The following ITGA1 variants were observed in gnomAD, a reference collection of about 807,000 sequenced individuals.
ITGA1 encodes integrin alpha-1.
Under a neutral mutation model 145.9 loss-of-function variants are expected in ITGA1, and 85 were observed. The ratio of observed to expected loss-of-function variants is 0.58; its 90% CI spans 0.49 to 0.70. The LOEUF (loss-of-function observed/expected upper bound fraction) is 0.70, where lower values mean the gene tolerates loss of function less well. Ranked by LOEUF, ITGA1 falls within the 30% of genes least tolerant of loss-of-function variation. The probability of loss-of-function intolerance (pLI) is 0.00; values close to 1 mark genes in which losing one functional copy is unlikely to be tolerated. For synonymous variants in ITGA1, 520 were observed against 495.3 expected, an observed-to-expected ratio of 1.05 and a Z score of -0.66; for missense variants, 1,351 against 1,418.7, an observed-to-expected ratio of 0.95 and a Z score of 0.77.
At chr5:52,876,191 A>G (rs528918904) in intron 6 of ITGA1, among the ~76,000 whole-genome samples, 1 of 152,300 alleles carries the variant, frequency 6.6e-6, no homozygotes, top group South Asian at 2.1e-4. Flanking sequence ...TGATTCTGCT[A>G]CATACATTTA....
chr5:52,838,917 C>T (rs199781708), intron 1 of ITGA1, among the ~76,000 whole-genome samples: 1 of 151,960 alleles, frequency 6.6e-6, no homozygotes, highest in African/African-American at 2.4e-5. Flanking sequence ...GGCAACGTGA[C>T]GAGCACTTTT....
chr5:52,952,465 A>T lies in ITGA1; in HGVS notation c.*14A>T. ...ATGGAGAAATGAAATATTTTATGAA[A>T]GAAAATAATAACAATTATTCAATAA... On this transcript the variant is annotated 3_prime_UTR_variant, in exon 29 of 29. Coordinates refer to ENST00000282588, the MANE Select transcript of ITGA1 (RefSeq NM_181501.2). 8.6e-7 allele frequency: 1 copy of T among 1,158,440 alleles called. No individual in the cohort carries two copies. The highest frequency in any genetic ancestry group is 1.4e-5 in the South Asian group (1 of 70,704). The allele number at this position is 1,158,440 out of a possible 1,614,324, so 71.8% of individuals were successfully genotyped here.
chr5:52,910,155 C>T lies in ITGA1; in HGVS notation c.1600-7C>T. ...ATACATAAATATCCTGTTTATCTTT[C>T]TTCCAGACAAGGTTTGAATATCAAA... On this transcript the variant is annotated splice_region_variant and splice_polypyrimidine_tract_variant and intron_variant, in intron 13 of 28. Transcript: ENST00000282588. 2 of 1,597,604 alleles carry T rather than the reference C, an allele frequency of 1.3e-6. No homozygotes were observed. Among genetic ancestry groups the T allele is most frequent in the South Asian group, 1.1e-5 (1 of 90,380 alleles).
At chr5:52,933,700 G>A (rs189663025) in intron 22 of ITGA1, 194 bp from the exon 23 acceptor site, 16 of 313,130 alleles carry the variant, frequency 5.1e-5, no homozygotes, top group African/African-American at 2.6e-4. Context: ...AGTGACTATT[G>A]AACTAAATTA....
intron 6 of ITGA1, among the ~76,000 whole-genome samples, chr5:52,881,436 C>A (rs76454613): frequency 6.6e-6 from 1 of 152,228 alleles, no homozygotes; most frequent in Non-Finnish European, 1.5e-5. Context: ...TCAGTCTGGC[C>A]TCTAGATTAT....
At chr5:52,832,765 C>CTGTGTGTGTGTG (rs33977926) in intron 1 of ITGA1, among the ~76,000 whole-genome samples, 16 of 86,776 alleles carry the variant, frequency 1.8e-4, no homozygotes, top group African/African-American at 5.2e-4. Flanking sequence ...ATATATAAAT[C>CTGTGTGTGTGTG]TGTGTGTGTG....
In ITGA1 at chr5:52,792,904, G is replaced by GC. The variant is rs559127031; in HGVS notation, c.61+4491dup. Among the ~76,000 whole-genome samples, 552 of 152,208 alleles carry GC rather than the reference G, an allele frequency of 3.6e-3. 2 individuals carry two copies. Among genetic ancestry groups the GC allele is most frequent in the African/African-American group, 0.013 (528 of 41,544 alleles). On this transcript the variant is annotated intron_variant, in intron 1 of 28. Transcript: ENST00000282588. ...CTGGAGAATTGTATTCGCCCTCAAA[G>GC]CAAGTACAGTAGAGTATCAAGAGAT... is the stretch of plus-strand genomic sequence containing the variant.
At chr5:52,809,196 A>G (rs999092158) in intron 1 of ITGA1, among the ~76,000 whole-genome samples, 1 of 152,136 alleles carries the variant, frequency 6.6e-6, no homozygotes. Context: ...TGTACTAAGT[A>G]CCTACTATGT....
At chr5:52,801,867 C>T (rs757189924) in intron 1 of ITGA1, 5 of 1,500,716 alleles carry the variant, frequency 3.3e-6, no homozygotes, top group Middle Eastern at 3.5e-4. Context: ...TTGAGACAAT[C>T]TTGTGTTTCC....
intron 18 of ITGA1, 113 bp downstream of exon 18, chr5:52,923,000 T>A: frequency 4.8e-6 from 3 of 622,994 alleles, no homozygotes; most frequent in Middle Eastern, 2.8e-4. Context: ...AACAACTAAC[T>A]GGAAGAAAGA....
Position 52,853,895 on chromosome 5 carries a change from C to CTTCCAGAT in ITGA1, c.182+4421_182+4428dup, listed in dbSNP as rs963179772. ...CAAACATGCTCAGCACAGCACAAGC[C>CTTCCAGAT]TTCCAGATTTCCAGATTTAGTGGTA... On this transcript the variant is annotated intron_variant, in intron 2 of 28. Transcript: ENST00000282588. 9.2e-4 allele frequency among the ~76,000 whole-genome samples: 140 copies of CTTCCAGAT among 152,294 alleles called. 1 individual carries two copies. Among genetic ancestry groups the CTTCCAGAT allele is most frequent in the Middle Eastern group, 3.4e-3 (1 of 294 alleles).
At chr5:52,840,482 C>T (rs1056585334) in intron 1 of ITGA1, among the ~76,000 whole-genome samples, 3 of 152,198 alleles carry the variant, frequency 2.0e-5, no homozygotes, top group East Asian at 3.9e-4. Context: ...GGTTCTGCAG[C>T]TTTTTTATTT....
intron 16 of ITGA1, 62 bp from the exon 17 acceptor site, chr5:52,920,270 G>C: frequency 7.7e-7 from 1 of 1,302,552 alleles, no homozygotes; most frequent in South Asian, 1.5e-5. Flanking sequence ...TTAATAATCT[G>C]TACAATATGA....
chr5:52,888,444 CATTA>C (rs1750090254), intron 8 of ITGA1, among the ~76,000 whole-genome samples: 2 of 152,276 alleles, frequency 1.3e-5, no homozygotes, highest in South Asian at 4.1e-4. Flanking sequence ...CTCTCTTTTT[CATTA>C]ATTATCTTCC....
chr5:52,859,834 C>T (rs1267150933), intron 2 of ITGA1, among the ~76,000 whole-genome samples: 1 of 152,224 alleles, frequency 6.6e-6, no homozygotes, highest in African/African-American at 2.4e-5. Flanking sequence ...TTAGATATTT[C>T]AGACATGGCC....
At position 52,895,116 on chromosome 5, in the gene ITGA1, T is replaced by A. The variant is rs573693692; in HGVS notation, c.1090+1276T>A. Among the ~76,000 whole-genome samples, 6 of 152,098 alleles carry A rather than the reference T, an allele frequency of 3.9e-5. No individual in the cohort carries two copies. The East Asian group carries it at 1.2e-3, about 29-fold the overall frequency. ...CTAATCTCTTTCAATGAAAAAAAAATGCTGGCTATACTCAGTCTGTTGATT... is the reference window on the plus strand; with the variant it reads ...CTAATCTCTTTCAATGAAAAAAAAAAGCTGGCTATACTCAGTCTGTTGATT... On this transcript the variant is annotated intron_variant, in intron 9 of 28. Transcript: ENST00000282588.
At position 52,861,506 on chromosome 5, in the gene ITGA1, A is replaced by G. The variant is rs139297018; in HGVS notation, c.242A>G (p.Lys81Arg). ...QPKNRTGDVY[K>R]CPVGRGESLP... Reference sequence around the variant, plus strand: ...AAAAACAGAACTGGAGATGTCTATAAGTGTCCAGTTGGGAGAGGTGAATCA... The same window carrying G: ...AAAAACAGAACTGGAGATGTCTATAGGTGTCCAGTTGGGAGAGGTGAATCA... Residue 81 changes from lysine (K) to arginine (R), a missense_variant, in exon 3 of 29, where the codon AAG (lysine) becomes AGG (arginine). Transcript: ENST00000282588. 43 of 1,613,778 alleles carry G rather than the reference A, an allele frequency of 2.7e-5. No individual in the cohort carries two copies. The African/African-American group carries it at 4.7e-4, about 18-fold the overall frequency.
chr5:52,888,284 AAAAG>A (rs1395194924), intron 8 of ITGA1, among the ~76,000 whole-genome samples: 1 of 152,170 alleles, frequency 6.6e-6, no homozygotes, highest in Non-Finnish European at 1.5e-5. Flanking sequence ...AGGACTGAAA[AAAAG>A]AAGAGGAAAA....
At chr5:52,941,340 G>C (rs1417944338) in intron 26 of ITGA1, among the ~76,000 whole-genome samples, 2 of 152,190 alleles carry the variant, frequency 1.3e-5, no homozygotes, top group East Asian at 3.8e-4. Context: ...AGTTGTTTGA[G>C]AAATCTCCAA....
Sources: allele counts gnomAD v4.1 joint callset (sites outside exome capture counted in the v4.1 genomes callset), GRCh38; gene constraint gnomAD v4.1.1; transcripts MANE v1.5; gene names NCBI Gene and HGNC (gene_info 2026-07-23, HGNC 2026-07-21).